TNNT3: variants seen among roughly 807,000 people sequenced by gnomAD.
The protein encoded by TNNT3 is troponin T3, fast skeletal type.
A neutral mutation model predicts 54.2 loss-of-function variants in TNNT3; 36 were observed. The observed-to-expected ratio is 0.66, with a 90% CI of 0.51 to 0.88. The LOEUF (loss-of-function observed/expected upper bound fraction) is 0.88. Among genes scored for constraint, TNNT3 ranks in the 40% least tolerant of loss-of-function variants. TNNT3 has a pLI of 0.00. For synonymous variants in TNNT3, 120 were observed against 109.7 expected, an observed-to-expected ratio of 1.09 and a Z score of -0.59; for missense variants, 291 against 331.6, an observed-to-expected ratio of 0.88 and a Z score of 0.95.
chr11:1,928,985 C>T (rs774719966), intron 6 of TNNT3, 135 bp from the exon 7 acceptor site: 2 of 1,052,664 alleles, frequency 1.9e-6, no homozygotes, highest in Non-Finnish European at 2.9e-6. Context: ...GCCCCGCAGG[C>T]ACACCCTGGA....
At chr11:1,930,721 C>T (rs757579753) in intron 8 of TNNT3, among the ~76,000 whole-genome samples, 12 of 152,164 alleles carry the variant, frequency 7.9e-5, no homozygotes, top group Non-Finnish European at 1.6e-4. Context: ...AGAGTGAGAA[C>T]ATCTGAAGGG....
At chr11:1,926,114 G>A (rs1851508530) in intron 5 of TNNT3, among the ~76,000 whole-genome samples, 1 of 152,186 alleles carries the variant, frequency 6.6e-6, no homozygotes, top group Non-Finnish European at 1.5e-5. Flanking sequence ...CAGAGGCGCG[G>A]ACACCCTTCT....
chr11:1,923,635 G>A (rs975018438), intron 4 of TNNT3, 63 bp downstream of exon 4: 17 of 1,236,370 alleles, frequency 1.4e-5, no homozygotes, highest in East Asian at 5.0e-5. Flanking sequence ...CCCCTCTCCC[G>A]TGTGGCGCTC....
At chr11:1,925,887 C>T (rs958597902) in intron 5 of TNNT3, among the ~76,000 whole-genome samples, 1 of 152,162 alleles carries the variant, frequency 6.6e-6, no homozygotes, top group Non-Finnish European at 1.5e-5. Flanking sequence ...ATCACTGGTG[C>T]CCAGGGCTGC....
At chr11:1,937,837 C>T (rs1590026626) in intron 15 of TNNT3, among the ~76,000 whole-genome samples, 2 of 152,310 alleles carry the variant, frequency 1.3e-5, no homozygotes, top group African/African-American at 4.8e-5. Flanking sequence ...GTGCATGTGC[C>T]TGCGTGTGTG....
intron 6 of TNNT3, among the ~76,000 whole-genome samples, chr11:1,928,264 C>A (rs758444203): frequency 2.0e-5 from 3 of 152,174 alleles, no homozygotes; most frequent in African/African-American, 7.2e-5. Flanking sequence ...ACTAGGCCAG[C>A]GGCAGACCCC....
chr11:1,926,628 C>T, intron 5 of TNNT3, 67 bp from the exon 6 acceptor site: 2 of 1,611,584 alleles, frequency 1.2e-6, no homozygotes, highest in Non-Finnish European at 1.7e-6. Flanking sequence ...CCTCTCTGCG[C>T]TGCCACCACT....
At chr11:1,929,761 T>C (rs1852778566) in intron 7 of TNNT3, 49 bp from the exon 8 acceptor site, 21 of 1,550,544 alleles carry the variant, frequency 1.4e-5, no homozygotes, top group Non-Finnish European at 1.7e-5. Flanking sequence ...TCTCTCTCCC[T>C]CTCCCCACGC....
chr11:1,932,357 C>A, intron 8 of TNNT3, 112 bp from the exon 9 acceptor site: 2 of 997,014 alleles, frequency 2.0e-6, no homozygotes, highest in Non-Finnish European at 1.6e-6. Flanking sequence ...TGGCTGGGGG[C>A]CAGAGCAGGA....
chr11:1,925,903 C>T (rs1204377001), intron 5 of TNNT3, among the ~76,000 whole-genome samples: 1 of 152,154 alleles, frequency 6.6e-6, no homozygotes, highest in Non-Finnish European at 1.5e-5. Flanking sequence ...GCTGCCAGCA[C>T]CCTTGGAGGG....
chr11:1,929,273 C>G, intron 7 of TNNT3, 130 bp downstream of exon 7: 1 of 1,230,536 alleles, frequency 8.1e-7, no homozygotes, highest in East Asian at 2.3e-5. Context: ...TCCCCTGGCA[C>G]GGGGGCCTCG....
chr11:1,936,290 G>A, intron 14 of TNNT3: 1 of 1,610,974 alleles, frequency 6.2e-7, no homozygotes, highest in African/African-American at 1.3e-5. Flanking sequence ...CAGGCCCGTG[G>A]GTGTGCGTTG....
chr11:1,938,278 C>T, intron 15 of TNNT3, 160 bp from the exon 16 acceptor site: 2 of 783,578 alleles, frequency 2.6e-6, no homozygotes, highest in Non-Finnish European at 4.5e-6. Context: ...GGTGAGTGGG[C>T]ACTGCCCGGA....
intron 1 of TNNT3, among the ~76,000 whole-genome samples, chr11:1,920,628 A>C (rs909115): frequency 0.24 from 35,758 of 152,038 alleles, 4,469 homozygotes; most frequent in South Asian, 0.36. Flanking sequence ...CACAGCAAGC[A>C]AGGGGCAGCG....
At chr11:1,926,335 C>A in intron 5 of TNNT3, 1 of 1,102,764 alleles carries the variant, frequency 9.1e-7, no homozygotes, top group Non-Finnish European at 1.4e-6. Context: ...CTGACCGTGT[C>A]TTGCTCGCTC....
intron 3 of TNNT3, 141 bp downstream of exon 3, chr11:1,923,202 C>A: frequency 8.2e-7 from 1 of 1,222,252 alleles, no homozygotes; most frequent in Non-Finnish European, 1.2e-6. Context: ...TCTGAGTGAC[C>A]CCCGGAAAAC....
chr11:1,921,660 C>T (rs1850138238), intron 1 of TNNT3: 1 of 152,216 alleles, frequency 6.6e-6, no homozygotes, highest in African/African-American at 2.4e-5. Context: ...GGAAAATTAA[C>T]ATTCTTGACA....
At chr11:1,922,398 A>AC (rs1457349266) in intron 1 of TNNT3, among the ~76,000 whole-genome samples, 1 of 151,784 alleles carries the variant, frequency 6.6e-6, no homozygotes, top group Non-Finnish European at 1.5e-5. Flanking sequence ...TCCCAGGGAG[A>AC]CCCCACCTAC....
chr11:1,922,030 G>C (rs530056754), intron 1 of TNNT3, among the ~76,000 whole-genome samples: 2 of 152,306 alleles, frequency 1.3e-5, no homozygotes, highest in African/African-American at 4.8e-5. Context: ...AGGGAAAGCG[G>C]CCACAGGGAG....
Sources: allele counts gnomAD v4.1 joint callset (sites outside exome capture counted in the v4.1 genomes callset), GRCh38; gene constraint gnomAD v4.1.1; transcripts MANE v1.5; gene names NCBI Gene and HGNC (gene_info 2026-07-23, HGNC 2026-07-21).